RBFOX1: variants seen among roughly 807,000 people sequenced by gnomAD.
RBFOX1 encodes the protein RNA binding protein fox-1 homolog 1.
In RBFOX1, 8 loss-of-function variants were observed where a neutral mutation model predicts 57.7. The observed-to-expected ratio is 0.14, with a 90% CI of 0.08 to 0.25. The LOEUF (loss-of-function observed/expected upper bound fraction) is 0.25, where lower values mean the gene tolerates loss of function less well. RBFOX1 is among the 10% of genes least tolerant of loss of function. The pLI is 1.00. For synonymous variants in RBFOX1, 326 were observed against 222.4 expected (o/e 1.47, Z -4.15); for missense variants, 611 against 548.5 (o/e 1.11, Z -1.14).
intron 3 of RBFOX1, among the ~76,000 whole-genome samples, chr16:6,843,235 G>A (rs143932494): frequency 1.2e-4 from 19 of 152,180 alleles, no homozygotes; most frequent in African/African-American, 4.6e-4. Flanking sequence ...TTATTTCTGT[G>A]AACCTTTTGC....
At chr16:6,917,405 A>T (rs2073445248) in intron 3 of RBFOX1, among the ~76,000 whole-genome samples, 1 of 152,212 alleles carries the variant, frequency 6.6e-6, no homozygotes, top group Non-Finnish European at 1.5e-5. Context: ...TCTATATCTT[A>T]TAAAGAAATC....
At chr16:6,554,681 A>G (rs1197819545) in intron 2 of RBFOX1, among the ~76,000 whole-genome samples, 1 of 152,076 alleles carries the variant, frequency 6.6e-6, no homozygotes, top group African/African-American at 2.4e-5. Context: ...AGTCACTGAA[A>G]GTGTGGAAAT....
At chr16:7,656,878 G>A (rs2066446134) in intron 12 of RBFOX1, among the ~76,000 whole-genome samples, 1 of 152,144 alleles carries the variant, frequency 6.6e-6, no homozygotes, top group Non-Finnish European at 1.5e-5. Flanking sequence ...CATCCCAGAA[G>A]AGAAGAAATA....
chr16:5,331,076 T>C (rs974113628), intron 1 of RBFOX1, among the ~76,000 whole-genome samples: 1 of 152,144 alleles, frequency 6.6e-6, no homozygotes, highest in African/African-American at 2.4e-5. Flanking sequence ...GTGATGTGGC[T>C]CTAGGAGAAA....
At chr16:5,901,466 C>T (rs2044315100) in intron 4 of RBFOX1, among the ~76,000 whole-genome samples, 1 of 152,112 alleles carries the variant, frequency 6.6e-6, no homozygotes, top group South Asian at 2.1e-4. Flanking sequence ...CTCATTTGTT[C>T]CGAAGGTTTG....
chr16:6,475,533 C>G (rs779868719), intron 2 of RBFOX1, among the ~76,000 whole-genome samples: 2 of 152,146 alleles, frequency 1.3e-5, no homozygotes, highest in Non-Finnish European at 2.9e-5. Context: ...GGTCACTTAC[C>G]AGCAACCAAT....
chr16:5,884,611 CT>C (rs1205592502), intron 4 of RBFOX1, among the ~76,000 whole-genome samples: 7 of 152,110 alleles, frequency 4.6e-5, no homozygotes, highest in African/African-American at 1.7e-4. Context: ...AGCCATAAGC[CT>C]TTCCCGTGGA....
At chr16:6,818,718 G>C (rs112276772) in intron 3 of RBFOX1, among the ~76,000 whole-genome samples, 1 of 152,086 alleles carries the variant, frequency 6.6e-6, no homozygotes, top group African/African-American at 2.4e-5. Flanking sequence ...TCCACCCTCA[G>C]TCTGTGTCAT....
intron 1 of RBFOX1, among the ~76,000 whole-genome samples, chr16:6,114,862 G>A (rs2096482823): frequency 6.6e-6 from 1 of 152,178 alleles, no homozygotes; most frequent in Non-Finnish European, 1.5e-5. Flanking sequence ...GCTCCTTGCA[G>A]AGGAGGGCTA....
At chr16:6,889,318 T>G (rs1181035757) in intron 3 of RBFOX1, among the ~76,000 whole-genome samples, 1 of 152,208 alleles carries the variant, frequency 6.6e-6, no homozygotes, top group African/African-American at 2.4e-5. Flanking sequence ...GATGTCACTT[T>G]CAAGTGGAAA....
intron 4 of RBFOX1, among the ~76,000 whole-genome samples, chr16:7,218,635 TG>T (rs1164500501): frequency 1.1e-4 from 12 of 113,422 alleles, no homozygotes; most frequent in African/African-American, 4.1e-4. Flanking sequence ...TTGCTGTGTG[TG>T]TGTGTGTGTG....
chr16:7,676,164 C>T (rs552940553), intron 13 of RBFOX1, among the ~76,000 whole-genome samples: 1 of 152,136 alleles, frequency 6.6e-6, no homozygotes, highest in Non-Finnish European at 1.5e-5. Context: ...GATACATAAC[C>T]ATGTGATATC....
chr16:6,359,666 G>T (rs1052886655), intron 2 of RBFOX1, among the ~76,000 whole-genome samples: 4 of 152,160 alleles, frequency 2.6e-5, no homozygotes, highest in Non-Finnish European at 4.4e-5. Flanking sequence ...ATTGCTGGAT[G>T]TTTCTGCAAG....
intron 3 of RBFOX1, among the ~76,000 whole-genome samples, chr16:6,712,908 T>TC (rs1491332926): frequency 1.3e-4 from 11 of 84,096 alleles, no homozygotes; most frequent in South Asian, 4.6e-4. Flanking sequence ...TTTTTTTTTT[T>TC]CCTGTGCTGT....
chr16:6,920,945 G>T (rs1049704566), intron 3 of RBFOX1, among the ~76,000 whole-genome samples: 1 of 152,168 alleles, frequency 6.6e-6, no homozygotes, highest in Non-Finnish European at 1.5e-5. Flanking sequence ...TATCTGGCTA[G>T]TCTGTAATGA....
chr16:5,851,866 C>T (rs990129577), intron 3 of RBFOX1, among the ~76,000 whole-genome samples: 1 of 152,152 alleles, frequency 6.6e-6, no homozygotes, highest in Admixed American at 6.5e-5. Flanking sequence ...AGGACGATGT[C>T]TTGGCCAGGT....
intron 3 of RBFOX1, among the ~76,000 whole-genome samples, chr16:5,808,258 G>A (rs2055298490): frequency 6.6e-6 from 1 of 152,204 alleles, no homozygotes; most frequent in African/African-American, 2.4e-5. Flanking sequence ...TGAGGGCTGT[G>A]TTCTGTTCCA....
At chr16:7,018,377 C>A (rs1033881249) in intron 3 of RBFOX1, among the ~76,000 whole-genome samples, 1 of 152,176 alleles carries the variant, frequency 6.6e-6, no homozygotes, top group Non-Finnish European at 1.5e-5. Context: ...ATACTTCTTT[C>A]TAGATGCTTC....
At position 5,947,039 on chromosome 16, in the gene RBFOX1, C is replaced by T. The variant is rs775359856; in HGVS notation, c.351+79704C>T. Reference sequence around the variant, plus strand: ...CCAGCTCTAGCAATATAGTGACACCCCATCTGTACAAAATAAAGTGAAAAT... The same window carrying T: ...CCAGCTCTAGCAATATAGTGACACCTCATCTGTACAAAATAAAGTGAAAAT... On this transcript the variant is annotated intron_variant, in intron 4 of 19. Transcript: ENST00000641259. The surrounding 1 kb of genome is among the most constrained non-coding windows in gnomAD (Gnocchi z 7.2). Among the ~76,000 whole-genome samples, 6 of 152,064 alleles carry T rather than the reference C, an allele frequency of 3.9e-5. No homozygotes were observed. Among genetic ancestry groups the T allele is most frequent in the Non-Finnish European group, 5.9e-5 (4 of 68,006 alleles).
Sources: gnomAD v4.1 joint callset for allele counts (sites outside exome capture counted in the v4.1 genomes callset) on GRCh38, gnomAD v4.1.1 for gene constraint, Gnocchi (gnomAD v3.1) non-coding constraint, MANE v1.5 for transcripts, NCBI Gene and HGNC (gene_info 2026-07-23, HGNC 2026-07-21) for gene names.